IFT74: variants seen among roughly 807,000 people sequenced by gnomAD.
IFT74 encodes the protein intraflagellar transport 74, also known as intraflagellar transport protein 74 homolog.
Under a neutral mutation model 96.7 loss-of-function variants are expected in IFT74, and 92 were observed. That is an observed-to-expected ratio of 0.95 (90% confidence interval 0.80 to 1.13). The LOEUF (loss-of-function observed/expected upper bound fraction) is 1.13. Ranked by LOEUF, IFT74 falls within the 50% of genes most tolerant of loss-of-function variation. The pLI is 0.00. For missense variants in IFT74, 811 were observed against 698.2 expected, an observed-to-expected ratio of 1.16 and a Z score of -1.82; for synonymous variants, 223 against 213.2, an observed-to-expected ratio of 1.05 and a Z score of -0.40.
At chr9:26,987,630 T>C (rs1827694437) in intron 6 of IFT74, among the ~76,000 whole-genome samples, 2 of 152,204 alleles carry the variant, frequency 1.3e-5, no homozygotes, top group South Asian at 2.1e-4. Flanking sequence ...AAATGTGATA[T>C]ACCTTACACC....
At chr9:27,032,839 C>T (rs2131653867) in intron 13 of IFT74, among the ~76,000 whole-genome samples, 1 of 151,282 alleles carries the variant, frequency 6.6e-6, no homozygotes, top group African/African-American at 2.4e-5. Context: ...GCACTCCAGC[C>T]TTGGGCGACA....
intron 6 of IFT74, among the ~76,000 whole-genome samples, chr9:26,986,041 C>T (rs1827617868): frequency 6.6e-6 from 1 of 152,108 alleles, no homozygotes; most frequent in South Asian, 2.1e-4. Flanking sequence ...TTTCTAGTGT[C>T]AGAATTTTCT....
intron 3 of IFT74, among the ~76,000 whole-genome samples, chr9:26,980,133 G>A (rs1305172021): frequency 1.3e-5 from 2 of 152,180 alleles, no homozygotes; most frequent in Non-Finnish European, 2.9e-5. Context: ...TGTCCAGTAT[G>A]ACAGCCAGTA....
chr9:27,053,082 C>G (rs1820003996), intron 16 of IFT74, among the ~76,000 whole-genome samples: 1 of 151,156 alleles, frequency 6.6e-6, no homozygotes, highest in East Asian at 2.0e-4. Flanking sequence ...CCAGGATGGC[C>G]TCGATCTCCT....
At chr9:27,031,644 C>CTGGA (rs1394415125) in intron 13 of IFT74, among the ~76,000 whole-genome samples, 1 of 142,392 alleles carries the variant, frequency 7.0e-6, no homozygotes, top group Non-Finnish European at 1.5e-5. Context: ...GTCACCCAGG[C>CTGGA]TGGAGTACAG....
intron 4 of IFT74, among the ~76,000 whole-genome samples, chr9:26,981,795 TCTCA>T (rs1383244860): frequency 2.0e-5 from 3 of 149,144 alleles, no homozygotes; most frequent in Non-Finnish European, 4.4e-5. Flanking sequence ...TGAGATAGAG[TCTCA>T]CTCTGTCGCC....
At chr9:27,056,235 T>G in intron 17 of IFT74, 99 bp from the exon 18 acceptor site, 1 of 934,250 alleles carries the variant, frequency 1.1e-6, no homozygotes, top group Non-Finnish European at 1.6e-6. Context: ...CTTGATATAA[T>G]TTTACCAGAA....
intron 10 of IFT74, 31 bp from the exon 11 acceptor site, chr9:27,016,876 A>T: frequency 1.3e-6 from 2 of 1,556,408 alleles, no homozygotes; most frequent in East Asian, 2.3e-5. Flanking sequence ...TAAAATACTA[A>T]TTAAAACTTT....
At position 27,009,076 on chromosome 9, in the gene IFT74, C is replaced by G. The variant is rs1322539202; in HGVS notation, c.644C>G (p.Thr215Arg). 1 of 1,612,764 alleles carries G rather than the reference C, an allele frequency of 6.2e-7. No homozygotes were observed. The highest frequency in any genetic ancestry group is 1.1e-5 in the South Asian group (1 of 91,008). ...GAAATTGAACAGGAAAAACAAGCAA[C>G]AGATGACATTATCAAAAATATGTCT... ...EEEIEQEKQA[T>R]DDIIKNMSFE... The change falls in exon 9 of 20, where the codon ACA becomes AGA. Residue 215 changes from threonine to arginine, a missense_variant. Transcript: ENST00000380062.
At chr9:26,953,702 G>C (rs146142124), upstream of IFT74, among the ~76,000 whole-genome samples, 39 of 149,238 alleles carry the variant, frequency 2.6e-4, no homozygotes, top group East Asian at 6.6e-3. Context: ...GTAGGGGGGG[G>C]GTCTCACTAT....
chr9:27,011,838 T>TC (rs983737318), intron 9 of IFT74, 68 bp from the exon 10 acceptor site: 3 of 974,998 alleles, frequency 3.1e-6, no homozygotes, highest in South Asian at 2.2e-5. Flanking sequence ...CCCAGCTCCC[T>TC]CCCCCCACTA....
In IFT74 at chr9:26,962,082, A is replaced by G. The variant is rs1003568026; in HGVS notation, c.115A>G (p.Thr39Ala). 3 of 1,614,102 alleles carry G rather than the reference A, an allele frequency of 1.9e-6. No homozygotes were observed. In the East Asian group the frequency reaches 6.7e-5, roughly 36 times the overall value. ...RPLSGNIRVATAMPPGTARPG... is the reference protein window; with the variant it reads ...RPLSGNIRVAAAMPPGTARPG... ...CCTATCAGGAAATATTCGAGTGGCA[A>G]CTGCAGTAAGTTTGAAACAAATCTA... The change falls in exon 2 of 20, where the codon ACT (threonine) becomes GCT (alanine). Residue 39 changes from threonine (T) to alanine (A), a missense_variant. By Grantham distance (58) the Thr-to-Ala change is moderately conservative (BLOSUM62 0). Transcript: ENST00000380062.
intron 8 of IFT74, chr9:26,996,477 A>G: frequency 1.3e-6 from 2 of 1,497,838 alleles, no homozygotes; most frequent in Non-Finnish European, 1.8e-6. Context: ...TGGGGTAGCT[A>G]CACATGGTGA....
intron 13 of IFT74, among the ~76,000 whole-genome samples, chr9:27,033,765 A>G (rs1276334880): frequency 6.6e-6 from 1 of 152,076 alleles, no homozygotes; most frequent in East Asian, 1.9e-4. Context: ...GTTTATTTCC[A>G]CAGAATAAAT....
At chr9:27,027,733 A>G (rs1424786949) in intron 12 of IFT74, among the ~76,000 whole-genome samples, 1 of 151,300 alleles carries the variant, frequency 6.6e-6, no homozygotes, top group African/African-American at 2.4e-5. Flanking sequence ...ATTTGTAAAA[A>G]TTTTCCCTTG....
chr9:27,060,644 G>T lies in IFT74; in HGVS notation c.1677G>T (p.Met559Ile), dbSNP rs781413954. The T allele has an allele frequency of 1.2e-6, 2 of 1,600,380 alleles. No homozygotes were observed. The highest frequency in any genetic ancestry group is 2.2e-5 in the South Asian group (2 of 89,556). ...ACCTTGAGCAAAATAATTTTGCGAT[G>T]AAAGAATGTATCCTTTAAAAAGCTG... ...WQHLEQNNFA[M>I]KEFIATKSQE... The change falls in exon 19 of 20, where the codon ATG (methionine) becomes ATT (isoleucine). Residue 559 changes from methionine to isoleucine, a missense_variant. Physicochemically the swap from Met to Ile is conservative, Grantham distance 10. Transcript: ENST00000380062.
At position 26,982,542 on chromosome 9, in the gene IFT74, G is replaced by A. The variant is rs538166635; in HGVS notation, c.306-1715G>A. 10 of 278,160 alleles carry A rather than the reference G, an allele frequency of 3.6e-5. No homozygotes were observed. The East Asian group carries it at 6.9e-4, about 19-fold the overall frequency. The allele number at this position is 278,160 out of a possible 1,614,324, so 17.2% of individuals were successfully genotyped here. A position where few individuals can be genotyped will look rare whatever the true frequency, so the allele number is the denominator to read the frequency against. ...CCTGATCTCTGGCACCGCAACCTCC[G>A]CCTCCCGGGTTCAAGTGATTCTCCT... is the stretch of plus-strand genomic sequence containing the variant. On this transcript the variant is annotated intron_variant, in intron 4 of 19. Transcript: ENST00000380062.
At chr9:27,012,578 A>G (rs1382118526) in intron 10 of IFT74, among the ~76,000 whole-genome samples, 1 of 152,140 alleles carries the variant, frequency 6.6e-6, no homozygotes, top group Non-Finnish European at 1.5e-5. Flanking sequence ...AGAGGGAGAG[A>G]CATGAGTTCA....
At chr9:27,057,312 T>A (rs1331042976) in intron 18 of IFT74, among the ~76,000 whole-genome samples, 3 of 152,078 alleles carry the variant, frequency 2.0e-5, no homozygotes, top group Non-Finnish European at 2.9e-5. Flanking sequence ...ACTTGAACAG[T>A]GTGTGAGGTC....
Sources: allele counts gnomAD v4.1 joint callset (sites outside exome capture counted in the v4.1 genomes callset), GRCh38; gene constraint gnomAD v4.1.1; transcripts MANE v1.5; gene names NCBI Gene and HGNC (gene_info 2026-07-23, HGNC 2026-07-21).